The following ACSM3 variants were observed in gnomAD, a reference collection of about 807,000 sequenced individuals.
ACSM3 encodes acyl-CoA synthetase medium chain family member 3.
A neutral mutation model predicts 74.1 loss-of-function variants in ACSM3; 61 were observed. The observed-to-expected ratio is 0.82, with a 90% CI of 0.67 to 1.02. The LOEUF is 1.02. Ranked by LOEUF, ACSM3 falls within the 50% of genes least tolerant of loss-of-function variation. The pLI is 0.00. For synonymous variants in ACSM3, 213 were observed against 241.5 expected (o/e 0.88, Z 1.09); for missense variants, 660 against 697.0 (o/e 0.95, Z 0.60).
At chr16:20,691,802 TGTG>T in intron 1 of ACSM3, among the ~76,000 whole-genome samples, 1 of 145,208 alleles carries the variant, frequency 6.9e-6, no homozygotes, top group South Asian at 2.2e-4. Flanking sequence ...TGTGTGTGTG[TGTG>T]TTTCTAAACA....
chr16:20,741,596 G>T (rs370375818), intron 1 of ACSM3: 15 of 1,575,656 alleles, frequency 9.5e-6, no homozygotes, highest in African/African-American at 1.4e-5. Context: ...TATTGCAGGT[G>T]ATGAGGATGC....
intron 1 of ACSM3, chr16:20,731,541 A>AAACT: frequency 4.3e-6 from 1 of 234,708 alleles, no homozygotes; most frequent in African/African-American, 2.3e-5. Flanking sequence ...ATTAACAAAC[A>AAACT]GTAAGTACCT....
intron 7 of ACSM3, 71 bp from the exon 8 acceptor site, chr16:20,784,913 A>G: frequency 1.3e-6 from 2 of 1,519,724 alleles, no homozygotes; most frequent in East Asian, 2.3e-5. Flanking sequence ...GAAGTTCATA[A>G]GAAATAATCC....
chr16:20,778,640 T>C (rs2080287469), intron 4 of ACSM3, among the ~76,000 whole-genome samples: 1 of 152,176 alleles, frequency 6.6e-6, no homozygotes, highest in Non-Finnish European at 1.5e-5. Flanking sequence ...GTGCTGAGCC[T>C]ACACTCCTCA....
intron 1 of ACSM3, chr16:20,741,914 G>A: frequency 6.5e-7 from 1 of 1,534,418 alleles, no homozygotes; most frequent in African/African-American, 1.4e-5. Context: ...CGTGAAAGGG[G>A]TGGAGTGATA....
intron 10 of ACSM3, chr16:20,791,038 T>A: frequency 8.4e-7 from 1 of 1,196,834 alleles, no homozygotes; most frequent in Non-Finnish European, 1.2e-6. Context: ...TCGGGAAGAG[T>A]GAGAGGGACA....
chr16:20,684,825 G>T (rs988310002), intron 1 of ACSM3, among the ~76,000 whole-genome samples: 59 of 152,122 alleles, frequency 3.9e-4, no homozygotes, highest in African/African-American at 1.4e-3. Flanking sequence ...GACTCTCTGA[G>T]GCTGTGCAAG....
chr16:20,699,046 A>C (rs2079705162), intron 1 of ACSM3, among the ~76,000 whole-genome samples: 1 of 152,202 alleles, frequency 6.6e-6, no homozygotes, highest in Non-Finnish European at 1.5e-5. Flanking sequence ...AGCTTAATTA[A>C]GTCCAACCTC....
At chr16:20,780,628 A>G (rs747536181) in intron 4 of ACSM3, 86 bp from the exon 5 acceptor site, 4 of 1,613,010 alleles carry the variant, frequency 2.5e-6, no homozygotes, top group Non-Finnish European at 3.4e-6. Context: ...GAAGAGGTTC[A>G]AGTGGAGAGC....
intron 1 of ACSM3, among the ~76,000 whole-genome samples, chr16:20,691,750 A>AGTGT (rs2079654450): frequency 1.1e-5 from 1 of 87,900 alleles, no homozygotes; most frequent in African/African-American, 5.1e-5. Flanking sequence ...ATACCTCTCC[A>AGTGT]ATGTGTGTGT....
intron 3 of ACSM3, among the ~76,000 whole-genome samples, chr16:20,758,639 G>T (rs537584427): frequency 2.2e-4 from 33 of 152,122 alleles, no homozygotes; most frequent in Admixed American, 2.0e-3. Flanking sequence ...CTTCAGTTCT[G>T]CTCGATTTTA....
At chr16:20,743,860 G>C (rs8044710) in intron 1 of ACSM3, 93,810 of 151,942 alleles carry the variant, frequency 0.62, 30,110 homozygotes, top group Non-Finnish European at 0.72. Context: ...CCTGTCCTTA[G>C]GATATCAAAT....
At chr16:20,725,112 C>T (rs1467041598) in intron 1 of ACSM3, among the ~76,000 whole-genome samples, 7 of 152,170 alleles carry the variant, frequency 4.6e-5, no homozygotes, top group African/African-American at 1.4e-4. Flanking sequence ...GCAGGCATCA[C>T]GCTACCTGAC....
chr16:20,693,611 T>G lies in ACSM3; in HGVS notation c.-190+18789T>G, dbSNP rs367859007. Among the ~76,000 whole-genome samples, 8 of 152,322 alleles carry G rather than the reference T, an allele frequency of 5.3e-5. No homozygotes were observed. The East Asian group carries it at 9.7e-4, about 18-fold the overall frequency. On this transcript the variant is annotated intron_variant, in intron 1 of 3. Transcript: ENST00000561584. ...AGTAATGGCCAGTGATGCTGGGTCT[T>G]TATTTCAACTTGTTGTCAAGTGGCT... is the stretch of plus-strand genomic sequence containing the variant.
intron 1 of ACSM3, among the ~76,000 whole-genome samples, chr16:20,746,058 G>A (rs961221741): frequency 2.0e-4 from 31 of 152,280 alleles, no homozygotes; most frequent in Admixed American, 1.3e-3. Context: ...ATTCTGCTTT[G>A]GCCATGACCT....
At position 20,770,226 on chromosome 16, in the gene ACSM3, C is replaced by G; in HGVS notation, c.192C>G (p.Val64=). The part of the protein sequence containing the change: ...IPEYFNFAKD[V]LDQWTDKEKA... ...AGTATTTCAACTTTGCTAAAGATGT[C>G]CTGGACCAATGGACTGATAAGGAAA... Residue 64 remains valine, a synonymous_variant, in exon 2 of 14, where the codon GTC becomes GTG. Transcript: ENST00000289416. 1 of 1,614,090 alleles carries G rather than the reference C, an allele frequency of 6.2e-7. No homozygotes were observed. Among genetic ancestry groups the G allele is most frequent in the Non-Finnish European group, 8.5e-7 (1 of 1,179,996 alleles).
chr16:20,720,641 A>C (rs2079782051), intron 1 of ACSM3, among the ~76,000 whole-genome samples: 1 of 150,266 alleles, frequency 6.7e-6, no homozygotes, highest in Non-Finnish European at 1.5e-5. Context: ...ATGTAGGCTA[A>C]CATAAGAACG....
intron 1 of ACSM3, among the ~76,000 whole-genome samples, chr16:20,724,951 A>T (rs2079799398): frequency 6.6e-6 from 1 of 152,232 alleles, no homozygotes; most frequent in Non-Finnish European, 1.5e-5. Context: ...AAATGGCCAT[A>T]CTGCCCAAGG....
At chr16:20,750,860 T>G (rs1218580649) in intron 2 of ACSM3, among the ~76,000 whole-genome samples, 3 of 149,788 alleles carry the variant, frequency 2.0e-5, no homozygotes, top group African/African-American at 7.4e-5. Context: ...TTTTTTTTTT[T>G]TTGAAACGGA....
Sources: gnomAD v4.1 joint callset for allele counts (sites outside exome capture counted in the v4.1 genomes callset) on GRCh38, gnomAD v4.1.1 for gene constraint, MANE v1.5 for transcripts, NCBI Gene and HGNC (gene_info 2026-07-23, HGNC 2026-07-21) for gene names.